The following SLC22A25 variants were observed in gnomAD, a reference collection of about 807,000 sequenced individuals.
The protein encoded by SLC22A25 is MGI:2442751, MGI:2385316, MGI:3042283, MGI:3645714, MGI:3605624, MGI:2442750.
In SLC22A25, 44 loss-of-function variants were observed where a neutral mutation model predicts 45.9. The observed-to-expected ratio is 0.96, with a 90% CI of 0.75 to 1.23. The LOEUF (loss-of-function observed/expected upper bound fraction) is 1.23. SLC22A25 is among the 50% of genes most tolerant of loss of function. The pLI is 0.00. For missense variants in SLC22A25, 800 were observed against 666.4 expected (o/e 1.20, Z -2.21); for synonymous variants, 283 against 238.6 (o/e 1.19, Z -1.72).
chr11:63,188,690 T>C (rs1167788806), intron 7 of SLC22A25, among the ~76,000 whole-genome samples: 2 of 152,226 alleles, frequency 1.3e-5, no homozygotes, highest in African/African-American at 2.4e-5. Context: ...TGTAGTGCTA[T>C]AAATTTCCCT....
intron 9 of SLC22A25, chr11:63,166,656 A>C (rs1467738689): frequency 2.0e-6 from 2 of 1,000,710 alleles, no homozygotes; most frequent in Non-Finnish European, 2.4e-6. Flanking sequence ...GTAAAGATCT[A>C]AGAAGCCAAA....
intron 9 of SLC22A25, among the ~76,000 whole-genome samples, chr11:63,171,300 A>T (rs2087875280): frequency 6.6e-6 from 1 of 152,204 alleles, no homozygotes; most frequent in Admixed American, 6.5e-5. Flanking sequence ...TAGTATTGGA[A>T]GTTCTGGCCA....
intron 1 of SLC22A25, 153 bp downstream of exon 1, chr11:63,243,281 A>T: frequency 2.5e-6 from 1 of 408,010 alleles, no homozygotes. Flanking sequence ...GATGGTGGCC[A>T]TTTGATTGGT....
intron 7 of SLC22A25, among the ~76,000 whole-genome samples, chr11:63,190,507 C>T (rs74611744): frequency 3.5e-4 from 53 of 152,012 alleles, no homozygotes; most frequent in Admixed American, 2.4e-3. Flanking sequence ...TTCTTTGGCT[C>T]GGAGTAGTTT....
intron 7 of SLC22A25, among the ~76,000 whole-genome samples, chr11:63,214,400 A>G (rs1196208707): frequency 6.6e-6 from 1 of 152,234 alleles, no homozygotes; most frequent in African/African-American, 2.4e-5. Flanking sequence ...AAGGAATGGA[A>G]CAGGAATTAA....
intron 7 of SLC22A25, among the ~76,000 whole-genome samples, chr11:63,199,443 G>C (rs111836849): frequency 0.034 from 5,122 of 152,166 alleles, 117 homozygotes; most frequent in Non-Finnish European, 0.056. Flanking sequence ...GTATACAGTG[G>C]TCCATTTCCA....
chr11:63,230,627 G>T (rs899518042), intron 3 of SLC22A25, among the ~76,000 whole-genome samples: 3 of 151,956 alleles, frequency 2.0e-5, no homozygotes, highest in South Asian at 2.1e-4. Context: ...TTACCATACA[G>T]TTCACCCTTT....
At position 63,164,023 on chromosome 11, in the gene SLC22A25, AG is replaced by A. The variant is rs1413019915; in HGVS notation, c.1444del (p.Leu482TrpfsTer5). On this transcript the variant is annotated frameshift_variant, in exon 12 of 12. Transcript: ENST00000306494. LOFTEE classifies it low-confidence loss of function (END_TRUNC). ...TGNFANIGGA[L>X]ASLMMILSIY... ...GCTTAGGATCATCATGAGGGAAGCC[AG>A]GGCTCCCCCAATATTAGCAAAGTTT... The A allele has an allele frequency of 6.2e-7, 1 of 1,612,642 alleles. No homozygotes were observed. Among genetic ancestry groups the A allele is most frequent in the Non-Finnish European group, 8.5e-7 (1 of 1,179,316 alleles).
intron 9 of SLC22A25, chr11:63,166,533 A>G (rs2134706715): frequency 8.7e-7 from 1 of 1,145,880 alleles, no homozygotes. Context: ...GGATTTTATT[A>G]GTATTCTAAA....
intron 8 of SLC22A25, among the ~76,000 whole-genome samples, chr11:63,182,143 T>C (rs1424662228): frequency 1.3e-5 from 2 of 151,860 alleles, no homozygotes; most frequent in Non-Finnish European, 2.9e-5. Flanking sequence ...AATAAAAAAA[T>C]CAAGTTAACA....
At chr11:63,168,207 A>T (rs908887891) in intron 9 of SLC22A25, 1 of 153,510 alleles carries the variant, frequency 6.5e-6, no homozygotes, top group Admixed American at 6.5e-5. Context: ...CATAAAGATG[A>T]GGAAAAACCA....
intron 7 of SLC22A25, among the ~76,000 whole-genome samples, chr11:63,186,726 G>T (rs1225812639): frequency 1.3e-5 from 2 of 152,156 alleles, no homozygotes; most frequent in African/African-American, 4.8e-5. Flanking sequence ...TTTGTATAAG[G>T]TGTAAGGAAG....
chr11:63,188,383 G>A (rs965990992), intron 7 of SLC22A25, among the ~76,000 whole-genome samples: 6 of 152,122 alleles, frequency 3.9e-5, no homozygotes, highest in African/African-American at 1.2e-4. Flanking sequence ...TGTGGGATCG[G>A]TGGTGATATC....
At chr11:63,180,077 C>G (rs997220002) in intron 9 of SLC22A25, among the ~76,000 whole-genome samples, 1 of 152,144 alleles carries the variant, frequency 6.6e-6, no homozygotes. Context: ...CATTTCAGTG[C>G]AACTGTTTTT....
intron 9 of SLC22A25, among the ~76,000 whole-genome samples, chr11:63,179,695 C>A (rs868312891): frequency 1.3e-5 from 2 of 152,138 alleles, no homozygotes; most frequent in African/African-American, 2.4e-5. Context: ...AAACTAATTT[C>A]TTGGGCAGCT....
chr11:63,218,548 C>T (rs1023080224), intron 5 of SLC22A25, among the ~76,000 whole-genome samples: 1 of 152,112 alleles, frequency 6.6e-6, no homozygotes, highest in Non-Finnish European at 1.5e-5. Flanking sequence ...TATTAACATA[C>T]AGTGCACCAT....
In SLC22A25 at chr11:63,166,092, T is replaced by C. The variant is rs2087671276; in HGVS notation, c.1237A>G (p.Met413Val). 3 of 1,613,986 alleles carry C rather than the reference T, an allele frequency of 1.9e-6. No homozygotes were observed. The highest frequency in any genetic ancestry group is 2.5e-6 in the Non-Finnish European group (3 of 1,179,934). Residue 413 changes from methionine (M) to valine (V), a missense_variant, in exon 10 of 12, where the codon ATG (methionine) becomes GTG (valine). By Grantham distance (21) the Met-to-Val change is conservative. Coordinates refer to ENST00000306494, the MANE Select transcript of SLC22A25 (RefSeq NM_199352.6). ...MSRRLSQMLL[M>V]FLLATCLLAI... ...AGAAGGCAGGTTGCCAGTAGGAACA[T>C]GAGAAGCATCTGGCTTAGTCGACGG...
intron 7 of SLC22A25, among the ~76,000 whole-genome samples, chr11:63,189,454 G>C (rs992052636): frequency 1.3e-5 from 2 of 152,088 alleles, no homozygotes; most frequent in African/African-American, 4.8e-5. Flanking sequence ...ACATGACATG[G>C]GTCTCCTGAA....
chr11:63,168,639 C>A (rs2087767927), intron 9 of SLC22A25, among the ~76,000 whole-genome samples: 1 of 152,034 alleles, frequency 6.6e-6, no homozygotes, highest in African/African-American at 2.4e-5. Context: ...AAGGAACAAA[C>A]CAAGCCTCCA....
Sources: gnomAD v4.1 joint callset for allele counts (sites outside exome capture counted in the v4.1 genomes callset) on GRCh38, gnomAD v4.1.1 for gene constraint, MANE v1.5 for transcripts, NCBI Gene and HGNC (gene_info 2026-07-23, HGNC 2026-07-21) for gene names.